Variants in PTPRD observed in about 807,000 individuals in gnomAD.
The protein encoded by PTPRD is protein tyrosine phosphatase receptor type D.
A neutral mutation model predicts 214.5 loss-of-function variants in PTPRD; 34 were observed. The observed-to-expected ratio is 0.16, with a 90% CI of 0.12 to 0.21. The LOEUF (loss-of-function observed/expected upper bound fraction) is 0.21, where lower values mean the gene tolerates loss of function less well. Ranked by LOEUF, PTPRD falls within the 10% of genes least tolerant of loss-of-function variation. The probability of loss-of-function intolerance (pLI) is 1.00; values close to 1 mark genes in which losing one functional copy is unlikely to be tolerated. For synonymous variants in PTPRD, 1,128 were observed against 845.7 expected, an observed-to-expected ratio of 1.33 and a Z score of -5.79; for missense variants, 2,545 against 2,398.7, an observed-to-expected ratio of 1.06 and a Z score of -1.27.
At chr9:8,678,828 A>G (rs534445688) in intron 12 of PTPRD, among the ~76,000 whole-genome samples, 1 of 152,214 alleles carries the variant, frequency 6.6e-6, no homozygotes, top group Admixed American at 6.5e-5. Context: ...AATTGATGGC[A>G]TGGTTTGGAA....
At chr9:10,298,885 T>C (rs1337240613) in intron 3 of PTPRD, among the ~76,000 whole-genome samples, 3 of 152,016 alleles carry the variant, frequency 2.0e-5, no homozygotes, top group Non-Finnish European at 4.4e-5. Flanking sequence ...TTGAAGGCAC[T>C]GAGATATTTT....
intron 7 of PTPRD, among the ~76,000 whole-genome samples, chr9:9,648,399 A>G (rs1016928762): frequency 1.3e-5 from 2 of 152,210 alleles, no homozygotes; most frequent in African/African-American, 4.8e-5. Flanking sequence ...GTTTATTTTT[A>G]AAGTATGGTC....
intron 5 of PTPRD, among the ~76,000 whole-genome samples, chr9:9,844,133 A>G (rs2058942997): frequency 6.6e-6 from 1 of 151,864 alleles, no homozygotes; most frequent in Non-Finnish European, 1.5e-5. Context: ...GATTTTTTTC[A>G]TTGTTTACTG....
intron 11 of PTPRD, among the ~76,000 whole-genome samples, chr9:8,999,253 A>G (rs2099408480): frequency 1.3e-5 from 2 of 152,026 alleles, no homozygotes; most frequent in South Asian, 4.1e-4. Context: ...AAGGAAAAGT[A>G]AATTGATGTG....
intron 3 of PTPRD, among the ~76,000 whole-genome samples, chr9:10,143,251 G>A (rs1240511155): frequency 6.6e-6 from 1 of 151,408 alleles, no homozygotes; most frequent in Non-Finnish European, 1.5e-5. Flanking sequence ...TTGTGCACAT[G>A]TATCCTAAAA....
At chr9:8,501,087 AT>A (rs2137001690) in intron 23 of PTPRD, 28 bp from the exon 24 acceptor site, 1 of 1,575,472 alleles carries the variant, frequency 6.3e-7, no homozygotes. Flanking sequence ...TTAAAGGAGG[AT>A]TTAAGTGAAA....
At chr9:10,493,884 G>C (rs539212624) in intron 2 of PTPRD, among the ~76,000 whole-genome samples, 1 of 151,968 alleles carries the variant, frequency 6.6e-6, no homozygotes, top group East Asian at 1.9e-4. Context: ...ACTATGATCT[G>C]TTTAAGTTAC....
intron 9 of PTPRD, among the ~76,000 whole-genome samples, chr9:9,364,136 A>G (rs2057162778): frequency 6.6e-6 from 1 of 151,448 alleles, no homozygotes; most frequent in Admixed American, 6.6e-5. Flanking sequence ...TCAACATGAA[A>G]TTAGCTTTGG....
At chr9:9,674,070 T>C (rs2154391273) in intron 7 of PTPRD, among the ~76,000 whole-genome samples, 1 of 152,006 alleles carries the variant, frequency 6.6e-6, no homozygotes, top group South Asian at 2.1e-4. Context: ...AAAGATAGTC[T>C]GAACTACAAA....
intron 8 of PTPRD, among the ~76,000 whole-genome samples, chr9:9,511,686 C>A (rs539584371): frequency 2.0e-5 from 3 of 151,696 alleles, no homozygotes; most frequent in Non-Finnish European, 2.9e-5. Context: ...TTTATTCTTT[C>A]TCAAATGTTT....
intron 5 of PTPRD, among the ~76,000 whole-genome samples, chr9:9,817,347 T>A (rs928869876): frequency 6.6e-6 from 1 of 152,156 alleles, no homozygotes; most frequent in African/African-American, 2.4e-5. Context: ...ACTTAGATAG[T>A]ATACATGTCA....
intron 5 of PTPRD, 75 bp from the exon 6 acceptor site, chr9:9,766,926 CTAAAA>C (rs2098711121): frequency 6.6e-6 from 1 of 151,946 alleles, no homozygotes; most frequent in Non-Finnish European, 1.5e-5. Context: ...ATATATAAAA[CTAAAA>C]TAAGAACAAA....
chr9:9,516,683 G>A (rs1282390905), intron 8 of PTPRD, among the ~76,000 whole-genome samples: 2 of 151,852 alleles, frequency 1.3e-5, no homozygotes, highest in African/African-American at 2.4e-5. Context: ...GACTACAGGC[G>A]TGGGCCACCA....
intron 5 of PTPRD, among the ~76,000 whole-genome samples, chr9:9,890,081 C>G (rs947935088): frequency 1.3e-5 from 2 of 152,062 alleles, no homozygotes; most frequent in African/African-American, 4.8e-5. Flanking sequence ...TGGTCTGTTT[C>G]TTGGGTGCTC....
intron 12 of PTPRD, among the ~76,000 whole-genome samples, chr9:8,677,492 A>G (rs2097451608): frequency 6.6e-6 from 1 of 152,124 alleles, no homozygotes; most frequent in Non-Finnish European, 1.5e-5. Flanking sequence ...AAACACAAAG[A>G]AGGAAACAAG....
chr9:9,701,655 G>A (rs879045005), intron 7 of PTPRD, among the ~76,000 whole-genome samples: 2 of 152,136 alleles, frequency 1.3e-5, no homozygotes, highest in African/African-American at 2.4e-5. Context: ...AAAATAGACA[G>A]TACTTAGAAA....
chr9:10,514,602 T>G (rs2049381737), intron 2 of PTPRD, among the ~76,000 whole-genome samples: 1 of 152,008 alleles, frequency 6.6e-6, no homozygotes, highest in Non-Finnish European at 1.5e-5. Context: ...GTTTTGGAAT[T>G]CAGTAACTTT....
intron 11 of PTPRD, among the ~76,000 whole-genome samples, chr9:8,817,853 A>G (rs984653563): frequency 3.3e-5 from 5 of 152,164 alleles, no homozygotes; most frequent in African/African-American, 1.2e-4. Context: ...ATTTTGCTCC[A>G]AAACATTTGA....
chr9:8,324,705 A>G (rs1428746207), intron 44 of PTPRD, among the ~76,000 whole-genome samples: 1 of 152,156 alleles, frequency 6.6e-6, no homozygotes, highest in African/African-American at 2.4e-5. Context: ...TAACTAATTT[A>G]CACACCCACC....
Sources: allele counts gnomAD v4.1 joint callset (sites outside exome capture counted in the v4.1 genomes callset), GRCh38; gene constraint gnomAD v4.1.1; transcripts MANE v1.5; gene names NCBI Gene and HGNC (gene_info 2026-07-23, HGNC 2026-07-21).